CCDC88A: variants seen among roughly 807,000 people sequenced by gnomAD.
CCDC88A encodes girdin.
In CCDC88A, 54 loss-of-function variants were observed where a neutral mutation model predicts 234.3. The ratio of observed to expected loss-of-function variants is 0.23; its 90% confidence interval spans 0.19 to 0.29. CCDC88A has a LOEUF of 0.29. CCDC88A is among the 10% of genes least tolerant of loss of function. The pLI, the probability that CCDC88A is intolerant of heterozygous loss-of-function variation, is 1.00. For synonymous variants in CCDC88A, 753 were observed against 737.8 expected (o/e 1.02, Z -0.33); for missense variants, 1,832 against 2,123.4 (o/e 0.86, Z 2.70).
Position 55,296,514 on chromosome 2 carries a change from A to G in CCDC88A, c.4835T>C (p.Val1612Ala). Residue 1612 changes from valine to alanine, a missense_variant, in exon 30 of 33, where the codon GTT becomes GCT. Coordinates refer to ENST00000436346, the MANE Select transcript of CCDC88A (RefSeq NM_001365480.1). ...ASLHEVKAGA[V>A]NNQSRPQSHS... is the part of the protein sequence containing the mutation. ...GCTTTGTGGCCTGCTTTGGTTATTAACTGCACCTGCTTTTGGAGTAAATGG... is the reference window on the plus strand; with the variant it reads ...GCTTTGTGGCCTGCTTTGGTTATTAGCTGCACCTGCTTTTGGAGTAAATGG... The G allele has an allele frequency of 6.2e-7, 1 of 1,613,580 alleles. No homozygotes were observed. The highest frequency in any genetic ancestry group is 8.5e-7 in the Non-Finnish European group (1 of 1,179,800).
intron 3 of CCDC88A, 24 bp downstream of exon 3, chr2:55,388,754 C>A: frequency 1.1e-6 from 1 of 893,118 alleles, no homozygotes; most frequent in South Asian, 1.5e-5. Flanking sequence ...ATTAAAACCC[C>A]AGATTTTTAA....
intron 12 of CCDC88A, 57 bp from the exon 13 acceptor site, chr2:55,339,705 A>T: frequency 1.4e-6 from 2 of 1,454,076 alleles, no homozygotes; most frequent in Non-Finnish European, 1.8e-6. Context: ...TACTATGTTT[A>T]CTCTTTACTA....
At chr2:55,310,571 A>G (rs1453286730) in intron 23 of CCDC88A, among the ~76,000 whole-genome samples, 1 of 152,044 alleles carries the variant, frequency 6.6e-6, no homozygotes, top group Non-Finnish European at 1.5e-5. Flanking sequence ...ACAGAGCAAG[A>G]CTGAAAAGAA....
At chr2:55,347,123 T>C (rs1669240395) in intron 9 of CCDC88A, among the ~76,000 whole-genome samples, 1 of 152,212 alleles carries the variant, frequency 6.6e-6, no homozygotes, top group Non-Finnish European at 1.5e-5. Context: ...AAAGTTTCTA[T>C]AGATATGTTG....
intron 3 of CCDC88A, among the ~76,000 whole-genome samples, chr2:55,383,738 T>C (rs1460993356): frequency 6.6e-6 from 1 of 152,144 alleles, no homozygotes; most frequent in African/African-American, 2.4e-5. Context: ...TCTACAGTCG[T>C]TCCCCAAAAT....
intron 12 of CCDC88A, 84 bp downstream of exon 12, chr2:55,343,564 C>G: frequency 9.8e-7 from 1 of 1,017,642 alleles, no homozygotes; most frequent in Admixed American, 2.6e-5. Context: ...ATATCTCCCA[C>G]TGCGGAAAAT....
rs1318999482 is a variant in CCDC88A at position 55,317,148 on chromosome 2, T to C, written c.3746+58A>G. Reference sequence around the variant, plus strand: ...TTTTGAAAAAACATATATATACACATATATATGTATATACTTTCTATATAA... The same window carrying C: ...TTTTGAAAAAACATATATATACACACATATATGTATATACTTTCTATATAA... On this transcript the variant is annotated intron_variant, in intron 21 of 32. Transcript: ENST00000436346. The surrounding 1 kb of genome is among the most constrained non-coding windows in gnomAD (Gnocchi z 4.2). 1.5e-6 allele frequency: 1 copy of C among 689,040 alleles called. No individual in the cohort carries two copies. The highest frequency in any genetic ancestry group is 2.1e-6 in the Non-Finnish European group (1 of 478,386). 42.7% of individuals were successfully genotyped at this position (689,040 alleles called of 1,614,324 possible). A position where few individuals can be genotyped will look rare whatever the true frequency, so the allele number is the denominator to read the frequency against.
intron 4 of CCDC88A, among the ~76,000 whole-genome samples, chr2:55,373,346 C>T (rs1317614874): frequency 6.6e-6 from 1 of 152,144 alleles, no homozygotes; most frequent in Non-Finnish European, 1.5e-5. Flanking sequence ...GTCTGTCCTC[C>T]TTCCCCAACC....
At position 55,334,202 on chromosome 2, in the gene CCDC88A, A is replaced by T; in HGVS notation, c.2619T>A (p.Ile873=). The T allele has an allele frequency of 2.1e-6, 3 of 1,430,982 alleles. No homozygotes were observed. The highest frequency in any genetic ancestry group is 2.7e-6 in the Non-Finnish European group (3 of 1,092,986). 88.6% of individuals were successfully genotyped at this position (1,430,982 alleles called of 1,614,324 possible). Residue 873 remains isoleucine (I), a synonymous_variant, in exon 15 of 33, where the codon ATT becomes ATA. Coordinates refer to ENST00000436346, the MANE Select transcript of CCDC88A (RefSeq NM_001365480.1). This position sits in a 1 kb window ranked among gnomAD's most constrained non-coding sequence, Gnocchi z 6.1. ...EKENKTLSKE[I]GIYKESCVRL... ...GGACACAAGATTCTTTATATATACC[A>T]ATTTCTTTGGATAGGGTTTTGTTTT...
intron 25 of CCDC88A, chr2:55,306,256 A>T (rs1306920289): frequency 3.9e-5 from 6 of 152,130 alleles, no homozygotes; most frequent in Admixed American, 3.9e-4. Flanking sequence ...TTATATCCAA[A>T]GATAACAGAT....
At chr2:55,367,481 T>C (rs1035230323) in intron 5 of CCDC88A, among the ~76,000 whole-genome samples, 16 of 150,118 alleles carry the variant, frequency 1.1e-4, no homozygotes, top group African/African-American at 3.9e-4. Flanking sequence ...TATTTTTAAA[T>C]ATTCTCAGAA....
At chr2:55,294,811 A>G in intron 31 of CCDC88A, 1 of 1,020,770 alleles carries the variant, frequency 9.8e-7, no homozygotes. Flanking sequence ...GTGAAGGAGG[A>G]GCATGTATGG....
chr2:55,367,607 T>C (rs1467923603), intron 5 of CCDC88A, among the ~76,000 whole-genome samples: 1 of 146,088 alleles, frequency 6.8e-6, no homozygotes, highest in Non-Finnish European at 1.5e-5. Context: ...TCATACCATA[T>C]GGCTGCCTTG....
At chr2:55,374,303 G>C (rs780250086) in intron 4 of CCDC88A, among the ~76,000 whole-genome samples, 26 of 152,100 alleles carry the variant, frequency 1.7e-4, no homozygotes, top group Non-Finnish European at 2.9e-4. Context: ...AGGAGGTTGA[G>C]GTTGCAGTGA....
rs780218189 is a variant in CCDC88A, at chr2:55,419,096, T to C, written c.-17A>G. On this transcript the variant is annotated 5_prime_UTR_variant, in exon 1 of 33. Transcript: ENST00000436346. The stretch of plus-strand genomic sequence containing the variant: ...GTTCTCCATTTTACAGAGTATGTAT[T>C]TGAAAAAAGGAACTACCACAAAAAT... The C allele has an allele frequency of 6.4e-7, 1 of 1,553,386 alleles. No homozygotes were observed. The highest frequency in any genetic ancestry group is 8.9e-7 in the Non-Finnish European group (1 of 1,126,378).
At chr2:55,351,507 C>G (rs1669882361) in intron 8 of CCDC88A, among the ~76,000 whole-genome samples, 1 of 151,994 alleles carries the variant, frequency 6.6e-6, no homozygotes, top group Non-Finnish European at 1.5e-5. Flanking sequence ...CCACCACACC[C>G]CTAATTTTTA....
chr2:55,343,312 A>G (rs1207793713), intron 12 of CCDC88A, among the ~76,000 whole-genome samples: 1 of 152,118 alleles, frequency 6.6e-6, no homozygotes. Flanking sequence ...CATGCTGACC[A>G]CTAATACGAC....
At chr2:55,413,968 CAA>C (rs10590157) in intron 2 of CCDC88A, among the ~76,000 whole-genome samples, 120,656 of 148,310 alleles carry the variant, frequency 0.81, 49,721 homozygotes, top group Admixed American at 0.9. Flanking sequence ...AAAACAAAAA[CAA>C]AAAAAAAAAA....
chr2:55,381,206 G>T (rs1250524196), intron 3 of CCDC88A, among the ~76,000 whole-genome samples: 5 of 152,096 alleles, frequency 3.3e-5, no homozygotes, highest in African/African-American at 9.7e-5. Context: ...CTACATTTGT[G>T]TAAGTACACT....
Sources: allele counts gnomAD v4.1 joint callset (sites outside exome capture counted in the v4.1 genomes callset), GRCh38; gene constraint gnomAD v4.1.1; non-coding constraint Gnocchi (gnomAD v3.1); transcripts MANE v1.5; gene names NCBI Gene and HGNC (gene_info 2026-07-23, HGNC 2026-07-21).